SDK1: variants seen among roughly 807,000 people sequenced by gnomAD.
SDK1 encodes sidekick cell adhesion molecule 1.
SDK1 carries 157 observed loss-of-function variants against 245.5 expected under a neutral mutation model. The observed-to-expected ratio is 0.64, with a 90% CI of 0.56 to 0.73. The LOEUF is 0.73. Among genes scored for constraint, SDK1 ranks in the 30% least tolerant of loss-of-function variants. The pLI is 0.00. For missense variants in SDK1, 3,583 were observed against 3,002.3 expected, an observed-to-expected ratio of 1.19 and a Z score of -4.52; for synonymous variants, 1,647 against 1,278.5, an observed-to-expected ratio of 1.29 and a Z score of -6.15.
intron 4 of SDK1, among the ~76,000 whole-genome samples, chr7:3,737,027 GTC>G (rs987469264): frequency 5.9e-5 from 9 of 152,208 alleles, no homozygotes; most frequent in Admixed American, 3.9e-4. Flanking sequence ...TACAGTATTT[GTC>G]TCTGTCTGAT....
intron 4 of SDK1, among the ~76,000 whole-genome samples, chr7:3,725,430 G>C (rs953635955): frequency 6.6e-6 from 1 of 152,108 alleles, no homozygotes; most frequent in South Asian, 2.1e-4. Context: ...TCAGAACATT[G>C]TGTAGGTTTG....
intron 1 of SDK1, among the ~76,000 whole-genome samples, chr7:3,612,199 C>G (rs147166754): frequency 4.0e-4 from 61 of 152,222 alleles, no homozygotes; most frequent in African/African-American, 1.4e-3. Flanking sequence ...AGAACTTACT[C>G]GTGTAACCAA....
chr7:4,217,081 A>G, intron 38 of SDK1, among the ~76,000 whole-genome samples: 1 of 18,858 alleles, frequency 5.3e-5, no homozygotes, highest in African/African-American at 2.7e-4. Context: ...GGCCACCCGG[A>G]GCACCACACC....
chr7:3,394,881 A>T (rs914654192), intron 1 of SDK1, among the ~76,000 whole-genome samples: 1 of 152,044 alleles, frequency 6.6e-6, no homozygotes, highest in Non-Finnish European at 1.5e-5. Context: ...GCTTTTTAAA[A>T]ATTAGTTCTA....
At chr7:4,022,421 C>T (rs190602424) in intron 17 of SDK1, among the ~76,000 whole-genome samples, 19 of 152,284 alleles carry the variant, frequency 1.2e-4, no homozygotes, top group African/African-American at 4.3e-4. Flanking sequence ...GAGAAAGTAT[C>T]CGAATGCCCG....
chr7:3,676,529 G>A (rs979312888), intron 4 of SDK1, among the ~76,000 whole-genome samples: 2 of 151,740 alleles, frequency 1.3e-5, no homozygotes, highest in African/African-American at 4.9e-5. Context: ...GTTTCACCCT[G>A]TTAGCCGGGA....
At position 4,206,714 on chromosome 7, in the gene SDK1, C is replaced by A. The variant is rs182551100; in HGVS notation, c.5214+720C>A. 3.3e-5 allele frequency among the ~76,000 whole-genome samples: 5 copies of A among 152,244 alleles called. No individual in the cohort carries two copies. In the East Asian group the frequency reaches 9.7e-4, roughly 30 times the overall value. On this transcript the variant is annotated intron_variant, in intron 36 of 44. Coordinates refer to ENST00000404826, the MANE Select transcript of SDK1 (RefSeq NM_152744.4). Reference sequence around the variant, plus strand: ...TGGCCTCCTTAGAGAGTACAGGGCCCATAAGCATCCGGGGTCTTTGCCATG... The same window carrying A: ...TGGCCTCCTTAGAGAGTACAGGGCCAATAAGCATCCGGGGTCTTTGCCATG...
intron 16 of SDK1, among the ~76,000 whole-genome samples, chr7:4,016,185 T>G (rs1275461145): frequency 6.6e-6 from 1 of 152,220 alleles, no homozygotes; most frequent in African/African-American, 2.4e-5. Flanking sequence ...AGCTCAGAGA[T>G]CAGCGTCCTG....
intron 1 of SDK1, among the ~76,000 whole-genome samples, chr7:3,347,510 C>A (rs1457515327): frequency 1.3e-5 from 2 of 152,150 alleles, no homozygotes; most frequent in Non-Finnish European, 2.9e-5. Flanking sequence ...AGCCATTGGG[C>A]TCAAATGTGC....
chr7:3,558,330 C>T (rs947655198), intron 1 of SDK1, among the ~76,000 whole-genome samples: 6 of 152,232 alleles, frequency 3.9e-5, no homozygotes, highest in African/African-American at 1.4e-4. Context: ...TTATTTCCAT[C>T]TCATACTTTC....
intron 1 of SDK1, among the ~76,000 whole-genome samples, chr7:3,448,196 CTT>C (rs1780405391): frequency 1.3e-5 from 2 of 152,058 alleles, no homozygotes; most frequent in African/African-American, 4.8e-5. Flanking sequence ...TGTTATCACT[CTT>C]TAAGCAAATG....
At chr7:3,654,102 G>C (rs893808588) in intron 4 of SDK1, among the ~76,000 whole-genome samples, 1 of 152,174 alleles carries the variant, frequency 6.6e-6, no homozygotes, top group African/African-American at 2.4e-5. Flanking sequence ...GTGGGAGGAA[G>C]GACCCTGGTG....
At position 3,698,245 on chromosome 7, in the gene SDK1, A is replaced by G. The variant is rs73672152; in HGVS notation, c.713+56140A>G. Among the ~76,000 whole-genome samples the G allele has an allele frequency of 8.2e-3, 1,250 of 152,336 alleles. 16 individuals carry two copies. Among genetic ancestry groups the G allele is most frequent in the African/African-American group, 0.029 (1,207 of 41,574 alleles). ...TTCACAAACCCCCAAGCAAAGGCTG[A>G]GCAGGGAGCTTAGACTTTCAGCGTG... On this transcript the variant is annotated intron_variant, in intron 4 of 44. Coordinates refer to ENST00000404826, the MANE Select transcript of SDK1 (RefSeq NM_152744.4).
intron 4 of SDK1, among the ~76,000 whole-genome samples, chr7:3,741,484 T>C (rs1480939704): frequency 6.6e-6 from 1 of 152,222 alleles, no homozygotes; most frequent in Admixed American, 6.5e-5. Flanking sequence ...ATTAAAACAA[T>C]TGATTTTTAA....
At chr7:4,170,078 T>C (rs1333396503) in intron 32 of SDK1, among the ~76,000 whole-genome samples, 1 of 152,198 alleles carries the variant, frequency 6.6e-6, no homozygotes, top group Non-Finnish European at 1.5e-5. Flanking sequence ...GTATTTCTTC[T>C]AAGAAGGTTA....
intron 22 of SDK1, among the ~76,000 whole-genome samples, chr7:4,096,197 C>G (rs1052184004): frequency 6.6e-6 from 1 of 152,236 alleles, no homozygotes; most frequent in Admixed American, 6.5e-5. Flanking sequence ...GAATAAGACA[C>G]TCAGATCCCC....
chr7:3,554,477 A>G (rs1159748422), intron 1 of SDK1, among the ~76,000 whole-genome samples: 1 of 152,230 alleles, frequency 6.6e-6, no homozygotes, highest in Non-Finnish European at 1.5e-5. Context: ...CTAAATTACT[A>G]CATTAAAAAT....
chr7:3,895,489 A>G (rs1182782232), intron 5 of SDK1, among the ~76,000 whole-genome samples: 1 of 152,208 alleles, frequency 6.6e-6, no homozygotes, highest in Non-Finnish European at 1.5e-5. Context: ...ACATTTGACC[A>G]CTATCCCTTC....
chr7:3,465,087 C>T (rs1780951845), intron 1 of SDK1, among the ~76,000 whole-genome samples: 1 of 152,138 alleles, frequency 6.6e-6, no homozygotes, highest in African/African-American at 2.4e-5. Flanking sequence ...TGTGGTGGGG[C>T]TAATCCGTAA....
Sources: gnomAD v4.1 joint callset for allele counts (sites outside exome capture counted in the v4.1 genomes callset) on GRCh38, gnomAD v4.1.1 for gene constraint, MANE v1.5 for transcripts, NCBI Gene and HGNC (gene_info 2026-07-23, HGNC 2026-07-21) for gene names.